Variants in SLC35F1 observed in about 807,000 individuals in gnomAD.
SLC35F1 encodes the protein chromosome 6 open reading frame 169.
SLC35F1 carries 14 observed loss-of-function variants against 48.7 expected under a neutral mutation model. That is an observed-to-expected ratio of 0.29 (90% CI 0.19 to 0.45). The LOEUF is 0.45. SLC35F1 is among the 20% of genes least tolerant of loss of function. The pLI is 1.00. For missense variants in SLC35F1, 404 were observed against 500.0 expected, an observed-to-expected ratio of 0.81 and a Z score of 1.83; for synonymous variants, 190 against 202.2, an observed-to-expected ratio of 0.94 and a Z score of 0.51.
At chr6:118,154,299 AG>A in intron 1 of SLC35F1, 145 bp from the exon 2 acceptor site, 1 of 643,812 alleles carries the variant, frequency 1.6e-6, no homozygotes, top group Non-Finnish European at 2.5e-6. Context: ...ACCTTCCTCG[AG>A]GGATTGCTTT....
chr6:117,912,968 A>C (rs1243594040), intron 1 of SLC35F1, among the ~76,000 whole-genome samples: 5 of 152,236 alleles, frequency 3.3e-5, no homozygotes, highest in Non-Finnish European at 7.3e-5. Context: ...CACTGTACAC[A>C]TCTATAGATG....
intron 1 of SLC35F1, among the ~76,000 whole-genome samples, chr6:118,022,828 G>T (rs1189381460): frequency 1.3e-5 from 2 of 148,256 alleles, no homozygotes; most frequent in African/African-American, 5.0e-5. Flanking sequence ...TCGGCTCACT[G>T]CAAGCTCCGC....
intron 1 of SLC35F1, among the ~76,000 whole-genome samples, chr6:118,017,439 T>A (rs1027242053): frequency 6.6e-6 from 1 of 152,248 alleles, no homozygotes; most frequent in Non-Finnish European, 1.5e-5. Context: ...TAGCAGCTAA[T>A]GAAATCCCCT....
At chr6:117,930,352 G>C (rs1178471271) in intron 1 of SLC35F1, among the ~76,000 whole-genome samples, 1 of 152,098 alleles carries the variant, frequency 6.6e-6, no homozygotes, top group Non-Finnish European at 1.5e-5. Context: ...AGGAAGGCAG[G>C]ACTCATATCT....
intron 1 of SLC35F1, among the ~76,000 whole-genome samples, chr6:117,918,072 C>T (rs1228019817): frequency 1.3e-5 from 2 of 152,116 alleles, no homozygotes; most frequent in Admixed American, 6.5e-5. Context: ...ACAGGGAACC[C>T]TGTGGCTGTG....
intron 1 of SLC35F1, among the ~76,000 whole-genome samples, chr6:118,087,417 A>G (rs1363433332): frequency 8.5e-5 from 13 of 152,278 alleles, no homozygotes; most frequent in South Asian, 4.2e-4. Context: ...GGAGATCACA[A>G]TTTAGCCCAT....
chr6:118,304,463 C>A (rs1776289312), intron 7 of SLC35F1, among the ~76,000 whole-genome samples: 1 of 151,848 alleles, frequency 6.6e-6, no homozygotes, highest in Non-Finnish European at 1.5e-5. Context: ...AGTCTATAAG[C>A]CAGAGGTTGA....
At chr6:117,969,607 C>G (rs1033350177) in intron 1 of SLC35F1, among the ~76,000 whole-genome samples, 2 of 152,116 alleles carry the variant, frequency 1.3e-5, no homozygotes, top group African/African-American at 4.8e-5. Context: ...CCTAGCTACT[C>G]TGGAGGGTGA....
At chr6:118,307,610 AT>A (rs1776326789) in intron 7 of SLC35F1, among the ~76,000 whole-genome samples, 1 of 152,178 alleles carries the variant, frequency 6.6e-6, no homozygotes, top group Non-Finnish European at 1.5e-5. Flanking sequence ...GAACTTTTGC[AT>A]TTTTAATGCA....
chr6:118,028,091 A>T (rs4294040), intron 1 of SLC35F1, among the ~76,000 whole-genome samples: 1 of 152,122 alleles, frequency 6.6e-6, no homozygotes, highest in Non-Finnish European at 1.5e-5. Context: ...TTGGAATTCC[A>T]AGACTTTATC....
chr6:118,051,607 A>G (rs1346358743), intron 1 of SLC35F1, among the ~76,000 whole-genome samples: 1 of 152,150 alleles, frequency 6.6e-6, no homozygotes, highest in African/African-American at 2.4e-5. Context: ...AATAAATAAT[A>G]CTTACTCCCT....
chr6:118,303,331 G>C (rs1776275906), intron 7 of SLC35F1, among the ~76,000 whole-genome samples: 1 of 152,214 alleles, frequency 6.6e-6, no homozygotes, highest in African/African-American at 2.4e-5. Context: ...GCAAAAGAAA[G>C]ATAGATTGCC....
At chr6:118,056,104 CT>C (rs944052808) in intron 1 of SLC35F1, among the ~76,000 whole-genome samples, 1 of 152,130 alleles carries the variant, frequency 6.6e-6, no homozygotes, top group Non-Finnish European at 1.5e-5. Flanking sequence ...ATTTGTGAAA[CT>C]TTTCTAAGTG....
At chr6:118,138,696 ATTTAT>A (rs1230177699) in intron 1 of SLC35F1, among the ~76,000 whole-genome samples, 2 of 89,370 alleles carry the variant, frequency 2.2e-5, no homozygotes, top group Non-Finnish European at 4.5e-5. Flanking sequence ...GTGCACCTTG[ATTTAT>A]TTTATTTGCT....
chr6:118,201,428 G>T (rs1248833530), intron 2 of SLC35F1, among the ~76,000 whole-genome samples: 1 of 152,192 alleles, frequency 6.6e-6, no homozygotes, highest in Non-Finnish European at 1.5e-5. Flanking sequence ...GTAGGAAGTT[G>T]TTATAGAAAC....
intron 1 of SLC35F1, among the ~76,000 whole-genome samples, chr6:118,113,106 C>G (rs1183658311): frequency 6.6e-6 from 1 of 151,904 alleles, no homozygotes; most frequent in East Asian, 1.9e-4. Context: ...TTATTTATTT[C>G]TAAAGATAAG....
intron 1 of SLC35F1, among the ~76,000 whole-genome samples, chr6:118,126,750 A>C (rs906418251): frequency 9.9e-5 from 15 of 151,500 alleles, no homozygotes; most frequent in African/African-American, 3.6e-4. Context: ...GCAATTGTGA[A>C]TGGGAGTTCA....
intron 1 of SLC35F1, among the ~76,000 whole-genome samples, chr6:117,961,528 C>T (rs1010886757): frequency 6.6e-6 from 1 of 152,190 alleles, no homozygotes; most frequent in Non-Finnish European, 1.5e-5. Context: ...CAGGACCTCT[C>T]AATCCTGTGT....
At chr6:118,016,642 A>G (rs1777326571) in intron 1 of SLC35F1, among the ~76,000 whole-genome samples, 1 of 152,196 alleles carries the variant, frequency 6.6e-6, no homozygotes, top group South Asian at 2.1e-4. Context: ...CTTTGGTTCC[A>G]AGCTACTGTG....
Sources: gnomAD v4.1 joint callset for allele counts (sites outside exome capture counted in the v4.1 genomes callset) on GRCh38, gnomAD v4.1.1 for gene constraint, MANE v1.5 for transcripts, NCBI Gene and HGNC (gene_info 2026-07-23, HGNC 2026-07-21) for gene names.